MX2: variants seen among roughly 807,000 people sequenced by gnomAD.
The protein encoded by MX2 is MX dynamin like GTPase 2.
Under a neutral mutation model 74.0 loss-of-function variants are expected in MX2, and 51 were observed. The ratio of observed to expected loss-of-function variants is 0.69; its 90% confidence interval spans 0.55 to 0.87. MX2 has a LOEUF of 0.87. Ranked by LOEUF, MX2 falls within the 40% of genes least tolerant of loss-of-function variation. MX2 has a pLI of 0.00. For synonymous variants in MX2, 369 were observed against 339.3 expected (o/e 1.09, Z -0.96); for missense variants, 832 against 908.7 (o/e 0.92, Z 1.09).
Position 41,388,170 on chromosome 21 carries a change from G to T in MX2, c.733-2395G>T, listed in dbSNP as rs1346310721. Among the ~76,000 whole-genome samples the T allele has an allele frequency of 1.3e-5, 2 of 152,162 alleles. No individual in the cohort carries two copies. Among genetic ancestry groups the T allele is most frequent in the Non-Finnish European group, 2.9e-5 (2 of 68,034 alleles). Reference sequence around the variant, plus strand: ...TCCCACACAGCTCTTGTGTTTTAAGGCACAAGTCAGATGCTATCATCCTTA... The same window carrying T: ...TCCCACACAGCTCTTGTGTTTTAAGTCACAAGTCAGATGCTATCATCCTTA... On this transcript the variant is annotated intron_variant, in intron 5 of 13. Transcript: ENST00000330714. The surrounding 1 kb of genome is among the most constrained non-coding windows in gnomAD (Gnocchi z 4.0).
chr21:41,370,892 G>T (rs1413772375), intron 1 of MX2, among the ~76,000 whole-genome samples: 3 of 152,226 alleles, frequency 2.0e-5, no homozygotes, highest in African/African-American at 7.2e-5. Context: ...GTGGAATTCA[G>T]TAGGGGAATG....
chr21:41,407,899 T>C (rs916626526), intron 13 of MX2, 92 bp from the exon 14 acceptor site: 2 of 1,532,878 alleles, frequency 1.3e-6, no homozygotes, highest in Non-Finnish European at 1.8e-6. Context: ...CAGGCAACCA[T>C]GTGCGCATCC....
At chr21:41,387,924 A>G (rs962263121) in intron 5 of MX2, among the ~76,000 whole-genome samples, 5 of 152,068 alleles carry the variant, frequency 3.3e-5, no homozygotes, top group African/African-American at 4.8e-5. Context: ...CACTGGGGTC[A>G]GCCCTCCCTT....
rs774905712 is a variant in MX2, at chr21:41,377,803, C to T, written c.264C>T (p.Asn88=). ...GCCTTCTCCAGGGGCCCGAGAACAA[C>T]CTGTACAGCCAGTACGAGCAGAAGG... ...SQPRAMGPEN[N]LYSQYEQKVR... is the part of the protein sequence containing the mutation. Residue 88 remains asparagine, a synonymous_variant, in exon 3 of 14, where the codon AAC becomes AAT. Transcript: ENST00000330714. The T allele has an allele frequency of 1.2e-6, 2 of 1,612,042 alleles. No individual in the cohort carries two copies. The highest frequency in any genetic ancestry group is 1.7e-6 in the Non-Finnish European group (2 of 1,178,304).
intron 8 of MX2, among the ~76,000 whole-genome samples, chr21:41,398,681 G>A (rs1242899815): frequency 6.6e-6 from 1 of 152,092 alleles, no homozygotes; most frequent in Non-Finnish European, 1.5e-5. Context: ...CCAACTTTAA[G>A]GCACACAAGA....
rs2089286364 is a variant in MX2, at chr21:41,368,374, A to G, written c.-72+6319A>G. Among the ~76,000 whole-genome samples, 1 of 152,146 alleles carries G rather than the reference A, an allele frequency of 6.6e-6. No individual in the cohort carries two copies. Among genetic ancestry groups the G allele is most frequent in the East Asian group, 1.9e-4 (1 of 5,192 alleles). On this transcript the variant is annotated intron_variant, in intron 1 of 13. Coordinates refer to ENST00000330714, the MANE Select transcript of MX2 (RefSeq NM_002463.2). This position sits in a 1 kb window ranked among gnomAD's most constrained non-coding sequence, Gnocchi z 4.6. ...AGGGGAGACAGATGGTTCACCAGGC[A>G]CACACCAGACAACCCGAAACCTACA...
Position 41,377,118 on chromosome 21 carries a change from A to G in MX2, c.212A>G (p.Gln71Arg). The change falls in exon 2 of 14, where the codon CAG becomes CGG. Residue 71 changes from glutamine to arginine, a missense_variant. Coordinates refer to ENST00000330714, the MANE Select transcript of MX2 (RefSeq NM_002463.2). ...TTCAACTTTCTCACTTTGAACAATC[A>G]GCCACCACCAGGAAACAGGAGCCAA... ...KDFNFLTLNN[Q>R]PPPGNRSQPR... 6.2e-7 allele frequency: 1 copy of G among 1,614,170 alleles called. No homozygotes were observed.
chr21:41,390,518 C>T (rs2089642940), intron 5 of MX2, 47 bp from the exon 6 acceptor site: 1 of 1,610,972 alleles, frequency 6.2e-7, no homozygotes, highest in Non-Finnish European at 8.5e-7. Context: ...GCTGAGTGAC[C>T]AGAAGTGAGA....
rs1263469630 is a variant in MX2, at chr21:41,380,786, G to A, written c.577+635G>A. Among the ~76,000 whole-genome samples the A allele has an allele frequency of 2.0e-5, 3 of 152,162 alleles. No homozygotes were observed. Among genetic ancestry groups the A allele is most frequent in the Non-Finnish European group, 4.4e-5 (3 of 68,030 alleles). ...CCTGGAGTCCACACCCTTCTCCCCC[G>A]AGGGGCCCTAGTGGTTACGTCCCTT... is the stretch of plus-strand genomic sequence containing the variant. On this transcript the variant is annotated intron_variant, in intron 4 of 13. Coordinates refer to ENST00000330714, the MANE Select transcript of MX2 (RefSeq NM_002463.2). This position sits in a 1 kb window ranked among gnomAD's most constrained non-coding sequence, Gnocchi z 4.3.
chr21:41,374,665 A>G (rs764563033), intron 1 of MX2, among the ~76,000 whole-genome samples: 28 of 47,602 alleles, frequency 5.9e-4, no homozygotes, highest in Non-Finnish European at 1.6e-3. Context: ...GCCATGCTGA[A>G]AGCCGGCAGG....
Position 41,390,791 on chromosome 21 carries a change from G to C in MX2, c.871+88G>C, listed in dbSNP as rs1952671345. ...GAGGCCAAGACGGGCGGATCACGAG[G>C]TCAGGAGATTGAGAACATCCTGGCT... On this transcript the variant is annotated intron_variant, in intron 6 of 13. Coordinates refer to ENST00000330714, the MANE Select transcript of MX2 (RefSeq NM_002463.2). 2.1e-6 allele frequency: 3 copies of C among 1,443,390 alleles called. No individual in the cohort carries two copies. In the South Asian group the frequency reaches 3.5e-5, roughly 17 times the overall value. 89.4% of individuals were successfully genotyped at this position (1,443,390 alleles called of 1,614,324 possible). A position where few individuals can be genotyped will look rare whatever the true frequency, so the allele number is the denominator to read the frequency against.
Position 41,395,764 on chromosome 21 carries a change from T to G in MX2, c.1049T>G (p.Phe350Cys), listed in dbSNP as rs1443262560. 6.2e-7 allele frequency: 1 copy of G among 1,614,024 alleles called. No homozygotes were observed. The highest frequency in any genetic ancestry group is 2.2e-5 in the East Asian group (1 of 44,888). ...AEATKKEITFFQTHPYFRVLL... is the reference protein window; with the variant it reads ...AEATKKEITFCQTHPYFRVLL... ...GCAACCAAGAAAGAAATTACATTCT[T>G]TCAAACACATCCATATTTCAGGTGA... Residue 350 changes from phenylalanine (F) to cysteine (C), a missense_variant, in exon 7 of 14, where the codon TTT (phenylalanine) becomes TGT (cysteine). By Grantham distance (205) the Phe-to-Cys change is radical (BLOSUM62 -2). Coordinates refer to ENST00000330714, the MANE Select transcript of MX2 (RefSeq NM_002463.2).
At chr21:41,384,217 G>A (rs764377829) in intron 5 of MX2, among the ~76,000 whole-genome samples, 2 of 152,168 alleles carry the variant, frequency 1.3e-5, no homozygotes, top group Non-Finnish European at 2.9e-5. Flanking sequence ...GTGGAACTGC[G>A]AGTCAGTTAA....
In MX2 at chr21:41,387,949, C is replaced by G. The variant is rs142691806; in HGVS notation, c.733-2616C>G. 2.8e-3 allele frequency among the ~76,000 whole-genome samples: 426 copies of G among 152,264 alleles called. 9 individuals are homozygous for G. The highest frequency in any genetic ancestry group is 0.023 in the Admixed American group (347 of 15,300). On this transcript the variant is annotated intron_variant, in intron 5 of 13. Coordinates refer to ENST00000330714, the MANE Select transcript of MX2 (RefSeq NM_002463.2). Reference sequence around the variant, plus strand: ...AGCCCTCCCTTTTCTCCTCCTCTCACACGACACGTCCAGTCCACCTACAAA... The same window carrying G: ...AGCCCTCCCTTTTCTCCTCCTCTCAGACGACACGTCCAGTCCACCTACAAA...
At chr21:41,373,358 A>C (rs1158177245) in intron 1 of MX2, among the ~76,000 whole-genome samples, 1 of 152,184 alleles carries the variant, frequency 6.6e-6, no homozygotes, top group Non-Finnish European at 1.5e-5. Context: ...TCACCAATGC[A>C]TGATGTGACT....
Position 41,391,008 on chromosome 21 carries a change from A to C in MX2, c.871+305A>C, listed in dbSNP as rs566547779. 2.0e-3 allele frequency among the ~76,000 whole-genome samples: 297 copies of C among 151,228 alleles called. 1 individual carries two copies. Among genetic ancestry groups the C allele is most frequent in the African/African-American group, 6.4e-3 (265 of 41,380 alleles). ...GCGACAGAGCAAGACTCCATCTCAA[A>C]AAAAAAAAAAAGAACCAAGCTTCCA... On this transcript the variant is annotated intron_variant, in intron 6 of 13. Transcript: ENST00000330714.
intron 12 of MX2, chr21:41,403,772 A>G: frequency 2.4e-6 from 1 of 413,462 alleles, no homozygotes; most frequent in Admixed American, 2.6e-5. Context: ...AGTTACCTTC[A>G]GCAAAGGCAA....
rs1188232949 is a variant in MX2 at position 41,368,253 on chromosome 21, C to T, written c.-72+6198C>T. On this transcript the variant is annotated intron_variant, in intron 1 of 13. Transcript: ENST00000330714. This position sits in a 1 kb window ranked among gnomAD's most constrained non-coding sequence, Gnocchi z 4.6. The stretch of plus-strand genomic sequence containing the variant: ...CATGTGTCACCCGGCTCTTCCGTGT[C>T]GTCTCCGTGAGCCTGCAGGGGCACC... Among the ~76,000 whole-genome samples, 4 of 152,216 alleles carry T rather than the reference C, an allele frequency of 2.6e-5. No individual in the cohort carries two copies. The highest frequency in any genetic ancestry group is 5.9e-5 in the Non-Finnish European group (4 of 68,044).
intron 1 of MX2, among the ~76,000 whole-genome samples, chr21:41,375,118 C>T (rs1258918069): frequency 6.6e-6 from 1 of 152,212 alleles, no homozygotes; most frequent in Non-Finnish European, 1.5e-5. Context: ...TCTGCCCATT[C>T]CCAGGCACAC....
Sources: allele counts gnomAD v4.1 joint callset (sites outside exome capture counted in the v4.1 genomes callset), GRCh38; gene constraint gnomAD v4.1.1; non-coding constraint Gnocchi (gnomAD v3.1); transcripts MANE v1.5; gene names NCBI Gene and HGNC (gene_info 2026-07-23, HGNC 2026-07-21).